Variants in NEDD4L observed in about 807,000 individuals in gnomAD.
NEDD4L encodes the protein NEDD4 like E3 ubiquitin protein ligase.
NEDD4L carries 54 observed loss-of-function variants against 148.9 expected under a neutral mutation model. That is an observed-to-expected ratio of 0.36 (90% CI 0.29 to 0.45). The LOEUF (loss-of-function observed/expected upper bound fraction) is 0.45, where lower values mean the gene tolerates loss of function less well. NEDD4L is among the 20% of genes least tolerant of loss of function. The pLI, the probability that NEDD4L is intolerant of heterozygous loss-of-function variation, is 1.00. For synonymous variants in NEDD4L, 433 were observed against 440.7 expected (o/e 0.98, Z 0.22); for missense variants, 856 against 1,233.8 (o/e 0.69, Z 4.59).
chr18:58,342,200 G>T (rs745411773), intron 15 of NEDD4L, among the ~76,000 whole-genome samples: 1 of 152,038 alleles, frequency 6.6e-6, no homozygotes, highest in South Asian at 2.1e-4. Context: ...TTTTTCTTTC[G>T]ACTGTAGGGT....
At chr18:58,291,972 G>A (rs1039352592) in intron 5 of NEDD4L, among the ~76,000 whole-genome samples, 1 of 152,112 alleles carries the variant, frequency 6.6e-6, no homozygotes, top group Non-Finnish European at 1.5e-5. Context: ...AAGCACATTC[G>A]TATAAATTAT....
chr18:58,325,209 G>A, intron 9 of NEDD4L, 47 bp downstream of exon 9: 2 of 1,598,240 alleles, frequency 1.3e-6, no homozygotes, highest in East Asian at 4.5e-5. Flanking sequence ...GCACTGCACA[G>A]CTAGGGACAA....
At chr18:58,111,535 A>G (rs1206019537) in intron 1 of NEDD4L, among the ~76,000 whole-genome samples, 1 of 152,102 alleles carries the variant, frequency 6.6e-6, no homozygotes, top group African/African-American at 2.4e-5. Context: ...CATGCCATGT[A>G]TGGTTGTTTG....
chr18:58,387,312 A>G (rs986277631), intron 26 of NEDD4L, 127 bp from the exon 27 acceptor site: 7 of 1,079,364 alleles, frequency 6.5e-6, no homozygotes, highest in Non-Finnish European at 6.4e-6. Flanking sequence ...TGATACTGTC[A>G]CTGACATAGG....
intron 1 of NEDD4L, among the ~76,000 whole-genome samples, chr18:58,117,157 T>A (rs2145757690): frequency 6.6e-6 from 1 of 152,348 alleles, no homozygotes; most frequent in South Asian, 2.1e-4. Context: ...CTCAAGTGCT[T>A]TGTTTTTTAC....
At chr18:58,107,695 G>A (rs1174887131) in intron 1 of NEDD4L, among the ~76,000 whole-genome samples, 2 of 151,400 alleles carry the variant, frequency 1.3e-5, no homozygotes, top group African/African-American at 4.9e-5. Context: ...ACCCCAAGCT[G>A]GACAACAGAG....
chr18:58,256,589 A>G lies in NEDD4L; in HGVS notation c.297+4535A>G. On this transcript the variant is annotated intron_variant, in intron 5 of 30. Coordinates refer to ENST00000400345, the MANE Select transcript of NEDD4L (RefSeq NM_001144967.3). The surrounding 1 kb of genome is among the most constrained non-coding windows in gnomAD (Gnocchi z 5.2). ...TCGAGCTGGCAGGATGGCTCCTGAA[A>G]TCCGCAGGACGAACTCCGCGGAGAG... 1 of 1,232,256 alleles carries G rather than the reference A, an allele frequency of 8.1e-7. No individual in the cohort carries two copies. 76.3% of individuals were successfully genotyped at this position (1,232,256 alleles called of 1,614,324 possible). A position where few individuals can be genotyped will look rare whatever the true frequency, so the allele number is the denominator to read the frequency against.
intron 26 of NEDD4L, 86 bp downstream of exon 26, chr18:58,385,672 T>A: frequency 8.9e-7 from 1 of 1,120,220 alleles, no homozygotes; most frequent in Non-Finnish European, 1.4e-6. Context: ...GCTAGTGTGG[T>A]GGAGCTGATC....
chr18:58,339,673 G>C (rs2042188105), intron 13 of NEDD4L, among the ~76,000 whole-genome samples: 1 of 152,096 alleles, frequency 6.6e-6, no homozygotes, highest in African/African-American at 2.4e-5. Context: ...GCTGCTTCAT[G>C]ATCTTACCCA....
intron 5 of NEDD4L, among the ~76,000 whole-genome samples, chr18:58,267,785 G>A (rs1162787704): frequency 6.6e-6 from 1 of 152,076 alleles, no homozygotes; most frequent in Non-Finnish European, 1.5e-5. Context: ...TTTGCAGATT[G>A]CATTTATTAT....
At chr18:58,190,020 A>G (rs1407867044) in intron 2 of NEDD4L, 1 of 152,250 alleles carries the variant, frequency 6.6e-6, no homozygotes, top group Non-Finnish European at 1.5e-5. Flanking sequence ...TTTTTAGGGA[A>G]AAAAGATATA....
chr18:58,195,330 TG>T (rs1251420646), intron 2 of NEDD4L: 115 of 946,288 alleles, frequency 1.2e-4, no homozygotes, highest in Non-Finnish European at 1.6e-4. Context: ...TGCTTTTTTG[TG>T]TCTCTTGAAT....
intron 1 of NEDD4L, among the ~76,000 whole-genome samples, chr18:58,112,464 A>G (rs1035766090): frequency 2.6e-5 from 4 of 151,082 alleles, no homozygotes; most frequent in African/African-American, 9.7e-5. Context: ...CAGTATGTAT[A>G]TATATATAGA....
At chr18:58,210,612 C>G (rs1003557649) in intron 2 of NEDD4L, among the ~76,000 whole-genome samples, 2 of 152,126 alleles carry the variant, frequency 1.3e-5, no homozygotes, top group Admixed American at 6.5e-5. Flanking sequence ...TCATGCCCGG[C>G]TAATTTTGTA....
chr18:58,115,410 CT>C (rs2145732848), intron 1 of NEDD4L, among the ~76,000 whole-genome samples: 1 of 152,174 alleles, frequency 6.6e-6, no homozygotes, highest in South Asian at 2.1e-4. Context: ...GAAGACAAGT[CT>C]GTTTAGGAAA....
chr18:58,082,660 T>C (rs1223131132), intron 1 of NEDD4L, among the ~76,000 whole-genome samples: 1 of 151,670 alleles, frequency 6.6e-6, no homozygotes, highest in East Asian at 2.0e-4. Context: ...TAGTCCCATC[T>C]ACTTGAGCGT....
chr18:58,153,971 C>T (rs919333223), intron 1 of NEDD4L, among the ~76,000 whole-genome samples: 13 of 152,208 alleles, frequency 8.5e-5, no homozygotes, highest in African/African-American at 3.1e-4. Context: ...AACCAAGTAC[C>T]TTTGTGAAAC....
intron 5 of NEDD4L, among the ~76,000 whole-genome samples, chr18:58,299,613 C>T (rs190417692): frequency 1.1e-3 from 170 of 152,072 alleles, no homozygotes; most frequent in Non-Finnish European, 2.0e-3. Flanking sequence ...ATCAATTTAC[C>T]CACACATTGA....
At chr18:58,105,200 G>A (rs1165072714) in intron 1 of NEDD4L, among the ~76,000 whole-genome samples, 4 of 152,300 alleles carry the variant, frequency 2.6e-5, no homozygotes, top group South Asian at 2.1e-4. Context: ...GAAATCTGTC[G>A]GCAAGGAGAG....
Sources: gnomAD v4.1 joint callset for allele counts (sites outside exome capture counted in the v4.1 genomes callset) on GRCh38, gnomAD v4.1.1 for gene constraint, Gnocchi (gnomAD v3.1) non-coding constraint, MANE v1.5 for transcripts, NCBI Gene and HGNC (gene_info 2026-07-23, HGNC 2026-07-21) for gene names.